Variants in SCFD2 observed in about 807,000 individuals in gnomAD.
SCFD2 encodes sec1 family domain containing 2.
A neutral mutation model predicts 58.9 loss-of-function variants in SCFD2; 54 were observed. The observed-to-expected ratio is 0.92, with a 90% CI of 0.74 to 1.15. The LOEUF (loss-of-function observed/expected upper bound fraction) is 1.15, where lower values mean the gene tolerates loss of function less well. Ranked by LOEUF, SCFD2 falls within the 50% of genes most tolerant of loss-of-function variation. The pLI is 0.00. For synonymous variants in SCFD2, 321 were observed against 335.9 expected (o/e 0.96, Z 0.49); for missense variants, 805 against 836.6 (o/e 0.96, Z 0.47).
intron 4 of SCFD2, among the ~76,000 whole-genome samples, chr4:53,194,603 C>T (rs1171920243): frequency 1.3e-5 from 2 of 152,246 alleles, no homozygotes; most frequent in East Asian, 1.9e-4. Context: ...AAACTAGAGG[C>T]TTTCCATAGT....
chr4:53,251,991 T>C (rs1730403015), intron 4 of SCFD2, among the ~76,000 whole-genome samples: 1 of 152,166 alleles, frequency 6.6e-6, no homozygotes. Context: ...AACCCCATCA[T>C]CTCAGCCCAA....
At chr4:53,046,629 G>A (rs1162112530) in intron 5 of SCFD2, among the ~76,000 whole-genome samples, 1 of 151,962 alleles carries the variant, frequency 6.6e-6, no homozygotes, top group Non-Finnish European at 1.5e-5. Flanking sequence ...TGGTTCAATG[G>A]TACCTGACAC....
chr4:53,263,377 C>T (rs1280273886), intron 4 of SCFD2, among the ~76,000 whole-genome samples: 3 of 152,128 alleles, frequency 2.0e-5, no homozygotes, highest in Non-Finnish European at 4.4e-5. Context: ...TTTAGGTAAA[C>T]TATGTCAGAG....
chr4:53,276,084 C>G (rs1027752896), intron 3 of SCFD2, among the ~76,000 whole-genome samples: 2 of 151,450 alleles, frequency 1.3e-5, no homozygotes, highest in African/African-American at 2.4e-5. Flanking sequence ...TTTCTAGGAG[C>G]AGGTTTCTAG....
intron 5 of SCFD2, among the ~76,000 whole-genome samples, chr4:52,973,264 A>G (rs1721158486): frequency 6.6e-6 from 1 of 152,206 alleles, no homozygotes; most frequent in Non-Finnish European, 1.5e-5. Context: ...AAATTGATAG[A>G]CCGCTAGCAA....
chr4:53,012,005 T>G (rs1348348419), intron 5 of SCFD2, among the ~76,000 whole-genome samples: 3 of 89,720 alleles, frequency 3.3e-5, no homozygotes, highest in Non-Finnish European at 8.1e-5. Context: ...TTTAGGCTTT[T>G]TTTTTTTTTT....
intron 6 of SCFD2, among the ~76,000 whole-genome samples, 171 bp downstream of exon 6, chr4:52,920,554 G>A (rs764410240): frequency 2.0e-5 from 3 of 152,210 alleles, no homozygotes; most frequent in Non-Finnish European, 4.4e-5. Context: ...AATGAATTGA[G>A]AGGCTTTCAG....
intron 3 of SCFD2, among the ~76,000 whole-genome samples, chr4:53,283,693 C>G (rs1349999610): frequency 6.6e-6 from 1 of 151,820 alleles, no homozygotes; most frequent in Non-Finnish European, 1.5e-5. Context: ...CTCAGCCTCC[C>G]AAGAAGCTGG....
intron 4 of SCFD2, among the ~76,000 whole-genome samples, chr4:53,149,907 C>T (rs888594440): frequency 1.3e-5 from 2 of 152,096 alleles, no homozygotes; most frequent in African/African-American, 2.4e-5. Context: ...ATCTATCACA[C>T]GCCAGTTGAA....
chr4:53,066,636 TG>T (rs1723670434), intron 5 of SCFD2, among the ~76,000 whole-genome samples: 3 of 152,214 alleles, frequency 2.0e-5, no homozygotes, highest in South Asian at 4.1e-4. Flanking sequence ...TTTAGTGATC[TG>T]GGCCCCCACC....
chr4:53,110,140 G>A (rs370627882), intron 5 of SCFD2, among the ~76,000 whole-genome samples: 2 of 152,082 alleles, frequency 1.3e-5, no homozygotes, highest in African/African-American at 4.8e-5. Context: ...ATGCAATGGG[G>A]AAAGAATTCC....
At chr4:53,279,817 G>C (rs1731450568) in intron 3 of SCFD2, among the ~76,000 whole-genome samples, 1 of 152,132 alleles carries the variant, frequency 6.6e-6, no homozygotes, top group South Asian at 2.1e-4. Context: ...TCACAAGGTG[G>C]GAGGAGAGAG....
At chr4:53,153,499 T>C (rs954729869) in intron 4 of SCFD2, among the ~76,000 whole-genome samples, 1 of 152,186 alleles carries the variant, frequency 6.6e-6, no homozygotes, top group African/African-American at 2.4e-5. Context: ...GGGCCTCAGA[T>C]CTGGCCCCTG....
At chr4:53,222,338 G>A (rs990114305) in intron 4 of SCFD2, among the ~76,000 whole-genome samples, 1 of 152,162 alleles carries the variant, frequency 6.6e-6, no homozygotes, top group African/African-American at 2.4e-5. Context: ...ACATGTATGT[G>A]CTCTGACATT....
At chr4:53,060,257 G>A (rs1348457006) in intron 5 of SCFD2, among the ~76,000 whole-genome samples, 1 of 152,114 alleles carries the variant, frequency 6.6e-6, no homozygotes, top group Non-Finnish European at 1.5e-5. Context: ...TATGAAAAAA[G>A]TACTGTTCTT....
intron 2 of SCFD2, among the ~76,000 whole-genome samples, chr4:53,316,251 G>A (rs1577961622): frequency 6.6e-6 from 1 of 152,202 alleles, no homozygotes; most frequent in African/African-American, 2.4e-5. Context: ...ATAAAAGGTG[G>A]GGTCCTTCTA....
intron 5 of SCFD2, among the ~76,000 whole-genome samples, chr4:53,039,244 C>T (rs757894361): frequency 6.6e-6 from 1 of 152,188 alleles, no homozygotes; most frequent in Non-Finnish European, 1.5e-5. Flanking sequence ...AAAACATATA[C>T]ATACCATATG....
chr4:53,140,069 G>A (rs1439569319), intron 5 of SCFD2, among the ~76,000 whole-genome samples: 6 of 143,840 alleles, frequency 4.2e-5, no homozygotes, highest in Admixed American at 6.7e-5. Flanking sequence ...CAAACACTGC[G>A]GAAGGCGGCA....
chr4:53,080,172 A>G (rs1367498017), intron 5 of SCFD2, among the ~76,000 whole-genome samples: 1 of 152,194 alleles, frequency 6.6e-6, no homozygotes, highest in African/African-American at 2.4e-5. Flanking sequence ...TCTAAGAATG[A>G]TGAGTTCTCA....
Sources: gnomAD v4.1 joint callset for allele counts (sites outside exome capture counted in the v4.1 genomes callset) on GRCh38, gnomAD v4.1.1 for gene constraint, MANE v1.5 for transcripts, NCBI Gene and HGNC (gene_info 2026-07-23, HGNC 2026-07-21) for gene names.